CERS4: variants seen among roughly 807,000 people sequenced by gnomAD.
The protein encoded by CERS4 is ceramide synthase 4.
A neutral mutation model predicts 51.8 loss-of-function variants in CERS4; 65 were observed. The ratio of observed to expected loss-of-function variants is 1.26; its 90% CI spans 1.03 to 1.54. The LOEUF (loss-of-function observed/expected upper bound fraction) is 1.54, where lower values mean the gene tolerates loss of function less well. CERS4 is among the 40% of genes most tolerant of loss of function. The probability of loss-of-function intolerance (pLI) is 0.00; values close to 1 mark genes in which losing one functional copy is unlikely to be tolerated. For synonymous variants in CERS4, 228 were observed against 208.4 expected, an observed-to-expected ratio of 1.09 and a Z score of -0.81; for missense variants, 563 against 500.4, an observed-to-expected ratio of 1.13 and a Z score of -1.19.
At chr19:8,224,317 G>C (rs1300551773) in intron 2 of CERS4, among the ~76,000 whole-genome samples, 1 of 150,466 alleles carries the variant, frequency 6.6e-6, no homozygotes, top group African/African-American at 2.5e-5. Flanking sequence ...TGAGGCAGGA[G>C]AATCGCTTGA....
chr19:8,219,990 A>AAG (rs960853623), intron 2 of CERS4, among the ~76,000 whole-genome samples: 13 of 150,610 alleles, frequency 8.6e-5, no homozygotes, highest in Non-Finnish European at 1.5e-4. Context: ...TGTCTCTTAA[A>AAG]AAAAAAAAAT....
chr19:8,238,908 G>A (rs1968392897), intron 2 of CERS4, among the ~76,000 whole-genome samples: 1 of 152,008 alleles, frequency 6.6e-6, no homozygotes, highest in Admixed American at 6.6e-5. Context: ...AGACCAGCCT[G>A]GGCAACATAC....
intron 2 of CERS4, among the ~76,000 whole-genome samples, chr19:8,219,791 C>A (rs1469283862): frequency 6.6e-6 from 1 of 152,002 alleles, no homozygotes; most frequent in African/African-American, 2.4e-5. Context: ...TGCACTCCAG[C>A]CTGGGCAACA....
chr19:8,219,136 G>A (rs942624427), intron 2 of CERS4, among the ~76,000 whole-genome samples: 3 of 152,206 alleles, frequency 2.0e-5, no homozygotes, highest in Non-Finnish European at 2.9e-5. Flanking sequence ...GAACCCAGGA[G>A]GCGGAGGTTG....
intron 10 of CERS4, among the ~76,000 whole-genome samples, chr19:8,258,787 A>C (rs1402096573): frequency 1.3e-5 from 2 of 151,876 alleles, no homozygotes; most frequent in African/African-American, 2.4e-5. Context: ...GGCTACAGCG[A>C]ATCAAGATTG....
chr19:8,253,837 AC>A (rs1969220286), intron 3 of CERS4, among the ~76,000 whole-genome samples: 1 of 151,844 alleles, frequency 6.6e-6, no homozygotes, highest in African/African-American at 2.4e-5. Context: ...TGATCCGCCC[AC>A]CTCAGCCCCA....
At chr19:8,237,622 G>C (rs1968323204) in intron 2 of CERS4, among the ~76,000 whole-genome samples, 2 of 152,010 alleles carry the variant, frequency 1.3e-5, no homozygotes, top group Non-Finnish European at 2.9e-5. Flanking sequence ...AGGCTGAGGT[G>C]GGTGGATCAC....
chr19:8,256,963 G>A lies in CERS4; in HGVS notation c.627G>A (p.Gln209=), dbSNP rs746636515. ...GTCTACTGCAGGATTTCAAGGAGCA[G>A]GTGATACACCACTTCGTGGCGGTCA... ...FDVKRKDFKE[Q]VIHHFVAVIL... The change falls in exon 9 of 12, where the codon CAG becomes CAA. Residue 209 remains glutamine (Q), a synonymous_variant. Transcript: ENST00000251363. 3.7e-6 allele frequency: 6 copies of A among 1,614,058 alleles called. No homozygotes were observed. Among genetic ancestry groups the A allele is most frequent in the Non-Finnish European group, 5.1e-6 (6 of 1,180,038 alleles).
At chr19:8,243,454 C>A (rs1165162452) in intron 2 of CERS4, among the ~76,000 whole-genome samples, 4 of 152,074 alleles carry the variant, frequency 2.6e-5, no homozygotes, top group Non-Finnish European at 5.9e-5. Flanking sequence ...GTCTGGGATG[C>A]CTGGGCCTCG....
intron 2 of CERS4, among the ~76,000 whole-genome samples, chr19:8,236,604 A>G (rs1269723658): frequency 6.6e-6 from 1 of 150,720 alleles, no homozygotes; most frequent in Non-Finnish European, 1.5e-5. Flanking sequence ...ACTTAGGCCC[A>G]AGACGCAGAG....
At chr19:8,257,771 C>T (rs1482457830) in intron 9 of CERS4, 108 bp from the exon 10 acceptor site, 2 of 786,052 alleles carry the variant, frequency 2.5e-6, no homozygotes, top group African/African-American at 1.7e-5. Context: ...GTAGGTAGTT[C>T]CTGGAAACAA....
At chr19:8,255,057 T>C (rs1969304953) in intron 4 of CERS4, among the ~76,000 whole-genome samples, 1 of 152,164 alleles carries the variant, frequency 6.6e-6, no homozygotes, top group Non-Finnish European at 1.5e-5. Context: ...GAAGCAGCCC[T>C]GTGACCCTCC....
At position 8,248,540 on chromosome 19, in the gene CERS4, GGCTGGGTGGACAGATGTTTA is replaced by G. The variant is rs1475906014; in HGVS notation, c.-1-2534_-1-2515del. On this transcript the variant is annotated intron_variant, in intron 2 of 11. Coordinates refer to ENST00000251363, the MANE Select transcript of CERS4 (RefSeq NM_024552.3). ...ATTTTTGGATCAGTGGATGGATGATGGCTGGGTGGACAGATGTTTAGATGGGTGGACAGATGGATGATGGA... is the reference window on the plus strand; with the variant it reads ...ATTTTTGGATCAGTGGATGGATGATGGATGGGTGGACAGATGGATGATGGA... Among the ~76,000 whole-genome samples, 53 of 151,966 alleles carry G rather than the reference GGCTGGGTGGACAGATGTTTA, an allele frequency of 3.5e-4. No homozygotes were observed. The East Asian group carries it at 8.7e-3, about 25-fold the overall frequency.
intron 2 of CERS4, among the ~76,000 whole-genome samples, chr19:8,227,255 A>C (rs968789499): frequency 6.6e-6 from 1 of 152,098 alleles, no homozygotes; most frequent in Admixed American, 6.6e-5. Flanking sequence ...AAATCTTTTC[A>C]TTTTCATGTA....
At chr19:8,211,385 C>T (rs1967079098) in intron 2 of CERS4, among the ~76,000 whole-genome samples, 1 of 152,130 alleles carries the variant, frequency 6.6e-6, no homozygotes, top group South Asian at 2.1e-4. Flanking sequence ...TGAGCCTGAC[C>T]ACCCCCCAGC....
In CERS4 at chr19:8,210,724, AAC is replaced by A. The variant is rs936559826; in HGVS notation, c.-136_-135del. The A allele has an allele frequency of 2.0e-5, 3 of 152,154 alleles. No homozygotes were observed. The highest frequency in any genetic ancestry group is 7.3e-5 in the African/African-American group (3 of 41,376). The allele number at this position is 152,154 out of a possible 1,614,324, so 9.4% of individuals were successfully genotyped here. ...CTTCCAGGAGCAGCTGCTGTGAATA[AAC>A]ACAGAAGTGGAGCTGGGGGACTGAT... On this transcript the variant is annotated 5_prime_UTR_variant, in exon 2 of 12. Transcript: ENST00000251363. The surrounding 1 kb of genome is among the most constrained non-coding windows in gnomAD (Gnocchi z 4.2).
chr19:8,249,497 T>C (rs1293629846), intron 2 of CERS4, among the ~76,000 whole-genome samples: 1 of 151,766 alleles, frequency 6.6e-6, no homozygotes, highest in Non-Finnish European at 1.5e-5. Flanking sequence ...CCCTCTTGCT[T>C]TGTGGGCTCT....
chr19:8,256,359 G>A, intron 7 of CERS4, 73 bp downstream of exon 7: 8 of 1,529,746 alleles, frequency 5.2e-6, no homozygotes, highest in Non-Finnish European at 4.5e-6. Context: ...CATGGGCATG[G>A]GACCCGAACC....
At chr19:8,229,894 TG>T (rs1400106012) in intron 2 of CERS4, among the ~76,000 whole-genome samples, 2 of 152,072 alleles carry the variant, frequency 1.3e-5, no homozygotes, top group African/African-American at 4.8e-5. Context: ...CTGTTGTTGT[TG>T]TTTTAATTTT....
Sources: gnomAD v4.1 joint callset for allele counts (sites outside exome capture counted in the v4.1 genomes callset) on GRCh38, gnomAD v4.1.1 for gene constraint, Gnocchi (gnomAD v3.1) non-coding constraint, MANE v1.5 for transcripts, NCBI Gene and HGNC (gene_info 2026-07-23, HGNC 2026-07-21) for gene names.